Variants in GRIA2 observed in about 807,000 individuals in gnomAD.
GRIA2 encodes the protein glutamate receptor 2.
A neutral mutation model predicts 97.3 loss-of-function variants in GRIA2; 14 were observed. That is an observed-to-expected ratio of 0.14 (90% CI 0.10 to 0.23). The LOEUF is 0.23. Among genes scored for constraint, GRIA2 ranks in the 10% least tolerant of loss-of-function variants. The pLI is 1.00. For synonymous variants in GRIA2, 412 were observed against 387.8 expected, an observed-to-expected ratio of 1.06 and a Z score of -0.73; for missense variants, 558 against 1,069.8, an observed-to-expected ratio of 0.52 and a Z score of 6.67.
intron 2 of GRIA2, among the ~76,000 whole-genome samples, chr4:157,259,548 C>T (rs1731433093): frequency 6.6e-6 from 1 of 152,064 alleles, no homozygotes; most frequent in African/African-American, 2.4e-5. Context: ...CTTTAGGGTA[C>T]ATTCATCCTG....
chr4:157,339,965 A>G (rs942025375), intron 11 of GRIA2, among the ~76,000 whole-genome samples: 1 of 151,728 alleles, frequency 6.6e-6, no homozygotes, highest in African/African-American at 2.4e-5. Flanking sequence ...CTTTGTGATA[A>G]AGTCCCTTAA....
chr4:157,332,880 G>C lies in GRIA2; in HGVS notation c.944G>C (p.Arg315Thr). 3 of 1,612,728 alleles carry C rather than the reference G, an allele frequency of 1.9e-6. No individual in the cohort carries two copies. The highest frequency in any genetic ancestry group is 2.5e-6 in the Non-Finnish European group (3 of 1,179,058). The stretch of plus-strand genomic sequence containing the variant: ...ATGACTGAAGCCTTCCGCAACCTAA[G>C]GAAGCAAAGAATTGAAATCTCCCGA... ...QVMTEAFRNL[R>T]KQRIEISRRG... The change falls in exon 7 of 16, where the codon AGG becomes ACG. Residue 315 changes from arginine to threonine, a missense_variant. This residue lies in a region of GRIA2 where 173 missense variants were observed against 209.1 expected (regional missense o/e 0.83). Transcript: ENST00000264426.
intron 3 of GRIA2, among the ~76,000 whole-genome samples, chr4:157,309,433 T>C (rs1733979855): frequency 7.0e-6 from 1 of 143,056 alleles, no homozygotes; most frequent in Non-Finnish European, 1.5e-5. Flanking sequence ...CTCACTGCAA[T>C]CACCACCTCC....
At chr4:157,292,363 G>A (rs1346582437) in intron 2 of GRIA2, among the ~76,000 whole-genome samples, 1 of 151,800 alleles carries the variant, frequency 6.6e-6, no homozygotes, top group Non-Finnish European at 1.5e-5. Flanking sequence ...AAATAAGTTA[G>A]GTTTTTACTA....
intron 2 of GRIA2, among the ~76,000 whole-genome samples, chr4:157,223,059 A>G (rs1472754124): frequency 2.0e-5 from 3 of 152,152 alleles, no homozygotes; most frequent in African/African-American, 7.2e-5. Flanking sequence ...TTGGCTACAG[A>G]GCTTGGGGAA....
At chr4:157,221,610 T>C in intron 1 of GRIA2, 57 bp from the exon 2 acceptor site, 4 of 1,579,790 alleles carry the variant, frequency 2.5e-6, no homozygotes. Flanking sequence ...CGCGCGCCCC[T>C]CCTTTCCCTC....
chr4:157,277,255 C>A (rs764119529), intron 2 of GRIA2, among the ~76,000 whole-genome samples: 8 of 151,802 alleles, frequency 5.3e-5, no homozygotes, highest in Non-Finnish European at 1.0e-4. Flanking sequence ...TTAATGTAAT[C>A]TATCACATCA....
At chr4:157,333,379 G>T in intron 8 of GRIA2, 26 bp downstream of exon 8, 1 of 1,269,484 alleles carries the variant, frequency 7.9e-7, no homozygotes, top group Non-Finnish European at 1.1e-6. Context: ...TTTAAAGGCA[G>T]TTCTATGTGA....
intron 2 of GRIA2, among the ~76,000 whole-genome samples, chr4:157,225,246 A>C (rs777057967): frequency 1.4e-4 from 22 of 152,046 alleles, no homozygotes; most frequent in Admixed American, 2.6e-4. Context: ...TGGGATAATG[A>C]AAGTACCTAT....
chr4:157,262,583 G>A (rs1731591538), intron 2 of GRIA2, among the ~76,000 whole-genome samples: 2 of 151,974 alleles, frequency 1.3e-5, no homozygotes, highest in African/African-American at 4.8e-5. Flanking sequence ...CTATAGTCTA[G>A]CTTTCCTCTA....
chr4:157,282,911 T>C (rs998867827), intron 2 of GRIA2, among the ~76,000 whole-genome samples: 4 of 152,078 alleles, frequency 2.6e-5, no homozygotes, highest in African/African-American at 9.7e-5. Flanking sequence ...GGTCACCTAC[T>C]TTATTCACTG....
At chr4:157,306,765 C>T (rs1364830425) in intron 3 of GRIA2, among the ~76,000 whole-genome samples, 3 of 152,102 alleles carry the variant, frequency 2.0e-5, no homozygotes, top group Non-Finnish European at 4.4e-5. Context: ...GCTTTGCCAT[C>T]ATGCTACATT....
intron 2 of GRIA2, among the ~76,000 whole-genome samples, chr4:157,284,313 A>G (rs950190299): frequency 1.3e-4 from 19 of 151,984 alleles, no homozygotes; most frequent in African/African-American, 3.9e-4. Context: ...TGCAAGTGGC[A>G]TTAAACTTTC....
intron 2 of GRIA2, among the ~76,000 whole-genome samples, chr4:157,277,902 G>GTATATATGTA (rs1008120649): frequency 2.2e-5 from 3 of 137,984 alleles, no homozygotes; most frequent in South Asian, 2.2e-4. Context: ...ATATATATAT[G>GTATATATGTA]TATATATGTA....
At chr4:157,253,012 G>T (rs1036449960) in intron 2 of GRIA2, among the ~76,000 whole-genome samples, 13 of 151,946 alleles carry the variant, frequency 8.6e-5, no homozygotes, top group Admixed American at 8.5e-4. Context: ...ATTTTGGGGG[G>T]ACCATGTAGT....
chr4:157,269,557 T>C lies in GRIA2; in HGVS notation c.230-33995T>C, dbSNP rs188226821. Among the ~76,000 whole-genome samples the C allele has an allele frequency of 5.3e-4, 80 of 152,180 alleles. 1 individual carries two copies. Among genetic ancestry groups the C allele is most frequent in the Middle Eastern group, 3.4e-3 (1 of 294 alleles). On this transcript the variant is annotated intron_variant, in intron 2 of 15. Coordinates refer to ENST00000264426, the MANE Select transcript of GRIA2 (RefSeq NM_001083619.3). ...AATAGCAGAGTTCTAGACTCTTGACTGGCCTGAACTGTTCATCATCATCAC... is the reference window on the plus strand; with the variant it reads ...AATAGCAGAGTTCTAGACTCTTGACCGGCCTGAACTGTTCATCATCATCAC...
chr4:157,226,450 C>G (rs940896622), intron 2 of GRIA2, among the ~76,000 whole-genome samples: 5 of 151,982 alleles, frequency 3.3e-5, no homozygotes, highest in African/African-American at 9.7e-5. Context: ...AAGATAAAGA[C>G]TGTTAGAATA....
chr4:157,305,004 A>G (rs1040079080), intron 3 of GRIA2, among the ~76,000 whole-genome samples: 9 of 152,176 alleles, frequency 5.9e-5, no homozygotes, highest in Admixed American at 5.9e-4. Context: ...TGCTTTGAGA[A>G]GGGAGTGCTT....
At chr4:157,275,630 G>T (rs10008831) in intron 2 of GRIA2, among the ~76,000 whole-genome samples, 3 of 151,826 alleles carry the variant, frequency 2.0e-5, no homozygotes, top group African/African-American at 4.8e-5. Context: ...TAGGGAATCC[G>T]TTCCCCATTT....
Sources: allele counts gnomAD v4.1 joint callset (sites outside exome capture counted in the v4.1 genomes callset), GRCh38; gene constraint gnomAD v4.1.1; regional missense constraint gnomAD v4.1.1; transcripts MANE v1.5; gene names NCBI Gene and HGNC (gene_info 2026-07-23, HGNC 2026-07-21).